The following GPM6A variants were observed in gnomAD, a reference collection of about 807,000 sequenced individuals.
The protein encoded by GPM6A is neuronal membrane glycoprotein M6-a.
Under a neutral mutation model 32.1 loss-of-function variants are expected in GPM6A, and 7 were observed. The ratio of observed to expected loss-of-function variants is 0.22; its 90% confidence interval spans 0.12 to 0.41. The LOEUF (loss-of-function observed/expected upper bound fraction) is 0.41. GPM6A is among the 10% of genes least tolerant of loss of function. The probability of loss-of-function intolerance (pLI) is 1.00; values close to 1 mark genes in which losing one functional copy is unlikely to be tolerated. For missense variants in GPM6A, 235 were observed against 347.2 expected (o/e 0.68, Z 2.57); for synonymous variants, 130 against 123.4 (o/e 1.05, Z -0.35).
chr4:175,737,034 G>A (rs1427618252), intron 1 of GPM6A, among the ~76,000 whole-genome samples: 3 of 152,160 alleles, frequency 2.0e-5, no homozygotes. Flanking sequence ...TATGTTACTG[G>A]TTTATGTATT....
At chr4:175,868,576 T>C (rs907732137) in intron 1 of GPM6A, among the ~76,000 whole-genome samples, 2 of 152,214 alleles carry the variant, frequency 1.3e-5, no homozygotes, top group African/African-American at 4.8e-5. Flanking sequence ...TTCCTTAATT[T>C]GTTATTCAAA....
chr4:175,975,397 C>T (rs1740628677), intron 1 of GPM6A, among the ~76,000 whole-genome samples: 1 of 152,164 alleles, frequency 6.6e-6, no homozygotes, highest in Non-Finnish European at 1.5e-5. Context: ...TGCCTTTCTT[C>T]CCCATTAGCC....
chr4:175,960,032 AAGTAAATTAAC>A (rs1740117122), intron 1 of GPM6A, among the ~76,000 whole-genome samples: 12 of 152,186 alleles, frequency 7.9e-5, no homozygotes, highest in Admixed American at 7.9e-4. Context: ...CAAAGAGGTT[AAGTAAATTAAC>A]CATGGTTACA....
chr4:175,771,227 C>T (rs1733175394), intron 1 of GPM6A, among the ~76,000 whole-genome samples: 1 of 152,060 alleles, frequency 6.6e-6, no homozygotes. Context: ...GATTTTGTCA[C>T]TCCCACTGCT....
At chr4:175,781,587 C>T (rs1020270370) in intron 1 of GPM6A, among the ~76,000 whole-genome samples, 2 of 152,176 alleles carry the variant, frequency 1.3e-5, no homozygotes, top group Non-Finnish European at 2.9e-5. Context: ...TCACTTCATT[C>T]GGTCATTACC....
chr4:175,762,338 C>T (rs1378427762), intron 1 of GPM6A, among the ~76,000 whole-genome samples: 1 of 152,168 alleles, frequency 6.6e-6, no homozygotes, highest in Non-Finnish European at 1.5e-5. Context: ...ATTGCTCATA[C>T]AACATGTTTG....
chr4:175,680,245 G>C (rs369653759), intron 2 of GPM6A, among the ~76,000 whole-genome samples: 2 of 152,048 alleles, frequency 1.3e-5, no homozygotes, highest in African/African-American at 2.4e-5. Flanking sequence ...TCCAAACCCA[G>C]TCTATCGCTA....
At chr4:175,712,268 G>A (rs1314366564) in intron 1 of GPM6A, among the ~76,000 whole-genome samples, 1 of 152,152 alleles carries the variant, frequency 6.6e-6, no homozygotes, top group African/African-American at 2.4e-5. Flanking sequence ...TTGCTTCTGG[G>A]GCTGAATTCC....
At chr4:175,909,044 G>GGGGA (rs1554000484) in intron 1 of GPM6A, among the ~76,000 whole-genome samples, 8 of 105,976 alleles carry the variant, frequency 7.5e-5, no homozygotes, top group African/African-American at 2.8e-4. Flanking sequence ...AAAAAGGGCG[G>GGGGA]GGGGGGGGCA....
intron 1 of GPM6A, among the ~76,000 whole-genome samples, chr4:175,948,732 C>A (rs548093189): frequency 6.6e-6 from 1 of 152,100 alleles, no homozygotes; most frequent in Non-Finnish European, 1.5e-5. Flanking sequence ...GTGATTCTGT[C>A]TTTTCCTTCT....
At chr4:175,662,768 T>G (rs930415793) in intron 3 of GPM6A, among the ~76,000 whole-genome samples, 3 of 151,966 alleles carry the variant, frequency 2.0e-5, no homozygotes, top group Non-Finnish European at 4.4e-5. Context: ...TAGATAGATA[T>G]GAAAAACCCA....
chr4:175,636,276 A>ATATATATG (rs1740593789), intron 6 of GPM6A, among the ~76,000 whole-genome samples: 1 of 123,552 alleles, frequency 8.1e-6, no homozygotes, highest in African/African-American at 2.9e-5. Flanking sequence ...ATATATATAT[A>ATATATATG]TATATATATA....
At chr4:175,812,029 T>C in intron 1 of GPM6A, 162 bp downstream of exon 1, 1 of 567,234 alleles carries the variant, frequency 1.8e-6, no homozygotes, top group Non-Finnish European at 3.1e-6. Context: ...ACAACATTCG[T>C]GCCAGACATT....
At chr4:175,949,257 T>A (rs894144096) in intron 1 of GPM6A, among the ~76,000 whole-genome samples, 8 of 152,220 alleles carry the variant, frequency 5.3e-5, no homozygotes, top group Non-Finnish European at 1.2e-4. Context: ...TATATCCTTT[T>A]TTAACAATTG....
At chr4:175,813,706 C>CTT (rs1735016014), upstream of GPM6A, among the ~76,000 whole-genome samples, 1 of 152,196 alleles carries the variant, frequency 6.6e-6, no homozygotes, top group Non-Finnish European at 1.5e-5. Context: ...CACATGCATT[C>CTT]TTTAAAGCAG....
intron 1 of GPM6A, chr4:175,801,110 A>T (rs952854038): frequency 1.3e-5 from 2 of 152,312 alleles, no homozygotes; most frequent in Non-Finnish European, 2.9e-5. Flanking sequence ...GTGTCAAACA[A>T]TAAAGTCTTC....
intron 1 of GPM6A, among the ~76,000 whole-genome samples, chr4:175,855,904 A>C (rs891880733): frequency 6.6e-6 from 1 of 152,220 alleles, no homozygotes; most frequent in Non-Finnish European, 1.5e-5. Flanking sequence ...GGCAACAATG[A>C]AAACACCTAA....
At chr4:175,649,919 T>C (rs2110913581) in intron 4 of GPM6A, among the ~76,000 whole-genome samples, 1 of 152,312 alleles carries the variant, frequency 6.6e-6, no homozygotes, top group Middle Eastern at 3.4e-3. Flanking sequence ...GAGAGGCTAA[T>C]CACATATTTT....
chr4:175,970,963 TG>T, intron 1 of GPM6A: 1 of 451,520 alleles, frequency 2.2e-6, no homozygotes, highest in Non-Finnish European at 4.4e-6. Context: ...CCAGAGCCTG[TG>T]CTTGAGCAGC....
Sources: gnomAD v4.1 joint callset for allele counts (sites outside exome capture counted in the v4.1 genomes callset) on GRCh38, gnomAD v4.1.1 for gene constraint, MANE v1.5 for transcripts, NCBI Gene and HGNC (gene_info 2026-07-23, HGNC 2026-07-21) for gene names.